SNX3: variants seen among roughly 807,000 people sequenced by gnomAD.
SNX3 encodes sorting nexin 3.
SNX3 carries 5 observed loss-of-function variants against 17.7 expected under a neutral mutation model. The ratio of observed to expected loss-of-function variants is 0.28; its 90% CI spans 0.15 to 0.59. The LOEUF is 0.59. Among genes scored for constraint, SNX3 ranks in the 20% least tolerant of loss-of-function variants. The probability of loss-of-function intolerance (pLI) is 0.88; values close to 1 mark genes in which losing one functional copy is unlikely to be tolerated. For synonymous variants in SNX3, 91 were observed against 76.5 expected (o/e 1.19, Z -0.99); for missense variants, 132 against 206.8 (o/e 0.64, Z 2.22).
intron 1 of SNX3, among the ~76,000 whole-genome samples, chr6:108,250,341 T>C (rs1775813875): frequency 6.6e-6 from 1 of 152,236 alleles, no homozygotes; most frequent in Non-Finnish European, 1.5e-5. Context: ...CTGTTTCAAC[T>C]ACTCAGTTCT....
At chr6:108,235,065 G>C (rs1775282365) in intron 1 of SNX3, among the ~76,000 whole-genome samples, 1 of 152,172 alleles carries the variant, frequency 6.6e-6, no homozygotes, top group African/African-American at 2.4e-5. Context: ...AGCTACTTTG[G>C]TAGCCTACAA....
At chr6:108,217,049 A>G (rs1320201091) in intron 2 of SNX3, among the ~76,000 whole-genome samples, 3 of 152,076 alleles carry the variant, frequency 2.0e-5, no homozygotes, top group Non-Finnish European at 4.4e-5. Context: ...TGGGCAGGGA[A>G]AAATATCTGT....
intron 1 of SNX3, among the ~76,000 whole-genome samples, chr6:108,242,936 G>C (rs1254646018): frequency 6.6e-6 from 1 of 152,162 alleles, no homozygotes; most frequent in Non-Finnish European, 1.5e-5. Flanking sequence ...GGCCTCAGAT[G>C]AAACCACAAC....
chr6:108,223,665 T>C (rs959961892), intron 1 of SNX3, among the ~76,000 whole-genome samples: 13 of 151,822 alleles, frequency 8.6e-5, no homozygotes, highest in Non-Finnish European at 1.6e-4. Context: ...GCCTGGCTAA[T>C]TTTCTTGTAT....
chr6:108,233,999 A>G (rs942805962), intron 1 of SNX3, among the ~76,000 whole-genome samples: 9 of 152,158 alleles, frequency 5.9e-5, no homozygotes, highest in African/African-American at 2.2e-4. Context: ...AAGCTTCTAC[A>G]TATGGTGCAT....
Position 108,243,743 on chromosome 6 carries a change from G to C in SNX3, c.162+17017C>G, listed in dbSNP as rs183306647. ...AGGTCGAGAGTTTGAGACCAGCCTG[G>C]TCAACATGGTGAATCTCCGTCTCTA... On this transcript the variant is annotated intron_variant, in intron 1 of 3. Transcript: ENST00000230085. 3.1e-3 allele frequency among the ~76,000 whole-genome samples: 477 copies of C among 152,168 alleles called. 7 individuals carry two copies. Among genetic ancestry groups the C allele is most frequent in the South Asian group, 6.2e-4 (3 of 4,824 alleles).
rs143152238 is a variant in SNX3, at chr6:108,235,023, TA to T, written c.163-11979del. ...TTGTCCTCCAGAAAGGCTACTTTGC[TA>T]TAGAATGAGAAGGAACACTGCAGTA... On this transcript the variant is annotated intron_variant, in intron 1 of 3. Transcript: ENST00000230085. 1.9e-3 allele frequency among the ~76,000 whole-genome samples: 284 copies of T among 152,358 alleles called. 2 individuals are homozygous for T. The highest frequency in any genetic ancestry group is 6.6e-3 in the African/African-American group (274 of 41,576).
intron 3 of SNX3, 92 bp downstream of exon 3, chr6:108,214,406 A>G (rs957099553): frequency 3.9e-6 from 5 of 1,278,948 alleles, no homozygotes; most frequent in Non-Finnish European, 5.5e-6. Context: ...AAATGGCTGA[A>G]AGAAAAGGCA....
chr6:108,217,300 T>G (rs940251650), intron 2 of SNX3, among the ~76,000 whole-genome samples: 1 of 152,044 alleles, frequency 6.6e-6, no homozygotes, highest in Non-Finnish European at 1.5e-5. Context: ...TCTGTAGAGA[T>G]ACACTCTTCC....
chr6:108,221,781 G>C (rs1467813105), intron 2 of SNX3, among the ~76,000 whole-genome samples: 2 of 152,100 alleles, frequency 1.3e-5, no homozygotes, highest in Non-Finnish European at 2.9e-5. Context: ...CTTGGCTTAA[G>C]TGATCCACCC....
At chr6:108,223,955 G>A (rs1332083557) in intron 1 of SNX3, among the ~76,000 whole-genome samples, 2 of 152,064 alleles carry the variant, frequency 1.3e-5, no homozygotes, top group Admixed American at 6.5e-5. Flanking sequence ...CTAAGCAGGG[G>A]TGAAAAAAGG....
Position 108,256,611 on chromosome 6 carries a change from C to T in SNX3, c.162+4149G>A, listed in dbSNP as rs372479773. Among the ~76,000 whole-genome samples, 35 of 152,310 alleles carry T rather than the reference C, an allele frequency of 2.3e-4. 1 individual carries two copies. The South Asian group carries it at 7.0e-3, about 31-fold the overall frequency. On this transcript the variant is annotated intron_variant, in intron 1 of 3. Transcript: ENST00000230085. ...CTTACCCAGCTAGGAAATGTTAAAT[C>T]TATTCTTTGAACTGAGGACTATGTC... is the stretch of plus-strand genomic sequence containing the variant.
At chr6:108,221,691 G>T (rs1774779056) in intron 2 of SNX3, among the ~76,000 whole-genome samples, 1 of 151,750 alleles carries the variant, frequency 6.6e-6, no homozygotes, top group Admixed American at 6.6e-5. Flanking sequence ...GACTACAGGT[G>T]CATGTCACCA....
intron 1 of SNX3, among the ~76,000 whole-genome samples, chr6:108,249,900 C>T (rs558761720): frequency 2.2e-4 from 33 of 152,148 alleles, no homozygotes; most frequent in African/African-American, 7.0e-4. Context: ...AATGCTTTTT[C>T]CATAGCCTCA....
rs1431812167 is a variant in SNX3 at position 108,211,675 on chromosome 6, C to G, written c.*474G>C. 1.3e-5 allele frequency: 2 copies of G among 152,734 alleles called. No individual in the cohort carries two copies. The highest frequency in any genetic ancestry group is 2.9e-5 in the Non-Finnish European group (2 of 68,112). The allele number at this position is 152,734 out of a possible 1,614,324, so 9.5% of individuals were successfully genotyped here. Reference sequence around the variant, plus strand: ...TTACAAGCCTGGAGGAAGATACTTTCTGCACACAAGTATGTATCTTATGTG... The same window carrying G: ...TTACAAGCCTGGAGGAAGATACTTTGTGCACACAAGTATGTATCTTATGTG... On this transcript the variant is annotated 3_prime_UTR_variant, in exon 4 of 4. Coordinates refer to ENST00000230085, the MANE Select transcript of SNX3 (RefSeq NM_003795.6).
At chr6:108,229,307 T>A (rs1453457540) in intron 1 of SNX3, among the ~76,000 whole-genome samples, 1 of 148,024 alleles carries the variant, frequency 6.8e-6, no homozygotes, top group Non-Finnish European at 1.5e-5. Context: ...TTATATAGCA[T>A]AATACCATTT....
intron 1 of SNX3, among the ~76,000 whole-genome samples, chr6:108,241,143 C>CAAAAAAA (rs71274311): frequency 5.9e-5 from 3 of 51,184 alleles, no homozygotes; most frequent in Non-Finnish European, 1.1e-4. Context: ...GACTCCGTCT[C>CAAAAAAA]AAAAAAAAAA....
chr6:108,235,872 AGT>A (rs1775313815), intron 1 of SNX3, among the ~76,000 whole-genome samples: 1 of 152,156 alleles, frequency 6.6e-6, no homozygotes, highest in East Asian at 1.9e-4. Flanking sequence ...TCGGCGACAG[AGT>A]GAGACTCTAC....
At chr6:108,234,345 G>T (rs192185584) in intron 1 of SNX3, among the ~76,000 whole-genome samples, 1 of 152,088 alleles carries the variant, frequency 6.6e-6, no homozygotes, top group Non-Finnish European at 1.5e-5. Flanking sequence ...CTGAGGTCAG[G>T]AGTTCAAGAC....
Sources: gnomAD v4.1 joint callset for allele counts (sites outside exome capture counted in the v4.1 genomes callset) on GRCh38, gnomAD v4.1.1 for gene constraint, MANE v1.5 for transcripts, NCBI Gene and HGNC (gene_info 2026-07-23, HGNC 2026-07-21) for gene names.